The following PTPRR variants were observed in gnomAD, a reference collection of about 807,000 sequenced individuals.
PTPRR encodes protein tyrosine phosphatase receptor type R.
A neutral mutation model predicts 77.2 loss-of-function variants in PTPRR; 38 were observed. The observed-to-expected ratio is 0.49, with a 90% CI of 0.38 to 0.65. The LOEUF is 0.65. Among genes scored for constraint, PTPRR ranks in the 30% least tolerant of loss-of-function variants. The probability of loss-of-function intolerance (pLI) is 0.00; values close to 1 mark genes in which losing one functional copy is unlikely to be tolerated. For missense variants in PTPRR, 744 were observed against 799.2 expected, an observed-to-expected ratio of 0.93 and a Z score of 0.83; for synonymous variants, 299 against 283.1, an observed-to-expected ratio of 1.06 and a Z score of -0.57.
At chr12:70,719,602 G>T (rs1408920759) in intron 6 of PTPRR, among the ~76,000 whole-genome samples, 1 of 152,020 alleles carries the variant, frequency 6.6e-6, no homozygotes, top group Non-Finnish European at 1.5e-5. Context: ...TGAAAGAATT[G>T]CTTGCCTCTA....
At chr12:70,647,688 G>C (rs1479587330) in intron 13 of PTPRR, among the ~76,000 whole-genome samples, 1 of 152,188 alleles carries the variant, frequency 6.6e-6, no homozygotes, top group Non-Finnish European at 1.5e-5. Flanking sequence ...GTATTATATG[G>C]AAGGGCTTTC....
intron 6 of PTPRR, among the ~76,000 whole-genome samples, chr12:70,727,627 C>T (rs114112720): frequency 1.3e-5 from 2 of 152,218 alleles, no homozygotes; most frequent in Admixed American, 6.5e-5. Context: ...CCCTGGGAAA[C>T]TCTAAAGATG....
intron 2 of PTPRR, among the ~76,000 whole-genome samples, chr12:70,881,700 A>T (rs1185468723): frequency 1.3e-5 from 2 of 152,220 alleles, no homozygotes; most frequent in Admixed American, 6.5e-5. Context: ...TTATATTTTC[A>T]TCCTTCAAAA....
intron 10 of PTPRR, among the ~76,000 whole-genome samples, chr12:70,663,173 G>GT (rs573855664): frequency 3.9e-4 from 60 of 152,108 alleles, no homozygotes; most frequent in African/African-American, 1.4e-3. Flanking sequence ...CGGACCAACA[G>GT]TTTTTTTCAC....
At chr12:70,860,979 T>G (rs369198328) in intron 2 of PTPRR, among the ~76,000 whole-genome samples, 2 of 152,166 alleles carry the variant, frequency 1.3e-5, no homozygotes, top group South Asian at 2.1e-4. Context: ...GGAAATAGTA[T>G]GCATGCATTT....
intron 2 of PTPRR, among the ~76,000 whole-genome samples, chr12:70,785,869 A>G (rs1399495074): frequency 2.6e-5 from 4 of 152,212 alleles, no homozygotes; most frequent in Non-Finnish European, 5.9e-5. Flanking sequence ...TTCAATTCTC[A>G]TTATTATATG....
intron 2 of PTPRR, 44 bp from the exon 3 acceptor site, chr12:70,764,822 T>A (rs1329707026): frequency 1.4e-6 from 2 of 1,401,784 alleles, no homozygotes; most frequent in East Asian, 4.7e-5. Flanking sequence ...TAGTATTAAT[T>A]TGTATAGATG....
intron 10 of PTPRR, among the ~76,000 whole-genome samples, chr12:70,681,093 G>A (rs564726061): frequency 6.6e-6 from 1 of 152,308 alleles, no homozygotes; most frequent in Admixed American, 6.5e-5. Context: ...TCACTAGGAT[G>A]TGAAAGGTGG....
intron 6 of PTPRR, among the ~76,000 whole-genome samples, chr12:70,736,687 T>C (rs1889873455): frequency 2.6e-5 from 4 of 152,284 alleles, no homozygotes; most frequent in Admixed American, 2.6e-4. Flanking sequence ...TTTATTGATG[T>C]TATTTGGAGT....
intron 10 of PTPRR, among the ~76,000 whole-genome samples, chr12:70,665,571 G>A (rs145351997): frequency 0.017 from 2,631 of 150,916 alleles, 74 homozygotes; most frequent in African/African-American, 0.06. Context: ...TAGTAGAGAC[G>A]GGGTTTCACC....
At chr12:70,884,820 C>G (rs1287095712) in intron 2 of PTPRR, among the ~76,000 whole-genome samples, 3 of 138,160 alleles carry the variant, frequency 2.2e-5, no homozygotes, top group Non-Finnish European at 3.0e-5. Flanking sequence ...TGCAGTGAGC[C>G]GAGATCGTGC....
intron 1 of PTPRR, among the ~76,000 whole-genome samples, chr12:70,893,680 T>C (rs1893377561): frequency 6.6e-6 from 1 of 151,920 alleles, no homozygotes; most frequent in African/African-American, 2.4e-5. Context: ...CTTTCTACAT[T>C]TCCTCTTTTG....
chr12:70,690,684 A>G (rs1177635438), intron 8 of PTPRR, among the ~76,000 whole-genome samples: 1 of 152,190 alleles, frequency 6.6e-6, no homozygotes, highest in East Asian at 1.9e-4. Context: ...TAGTTAGCAT[A>G]TGTAGCGGTT....
chr12:70,742,513 C>T (rs555917976), intron 6 of PTPRR, among the ~76,000 whole-genome samples: 80 of 152,110 alleles, frequency 5.3e-4, no homozygotes, highest in African/African-American at 1.8e-3. Context: ...GGGTGTTTAG[C>T]AGGAAATAGG....
chr12:70,902,504 T>C (rs1893554153), intron 1 of PTPRR, among the ~76,000 whole-genome samples: 1 of 151,824 alleles, frequency 6.6e-6, no homozygotes, highest in Admixed American at 6.6e-5. Flanking sequence ...TATGTCTCTA[T>C]ATATGTATAG....
At chr12:70,892,397 C>T (rs1255380939) in intron 2 of PTPRR, among the ~76,000 whole-genome samples, 1 of 152,004 alleles carries the variant, frequency 6.6e-6, no homozygotes, top group Non-Finnish European at 1.5e-5. Context: ...AATTGTAAGG[C>T]CTTCCTAAAG....
Position 70,656,733 on chromosome 12 carries a change from T to A in PTPRR, c.1851A>T (p.Leu617=), listed in dbSNP as rs780557095. ...QLKEEGVVDA[L]SIVCQLRMDR... ...CCATACGAAGCTGGCAGACAATGCT[T>A]AGTGCATCCACAACTCCTTCTTCTT... The change falls in exon 13 of 14, where the codon CTA becomes CTT. Residue 617 remains leucine (L), a synonymous_variant. Transcript: ENST00000283228. 15 of 1,613,806 alleles carry A rather than the reference T, an allele frequency of 9.3e-6. No homozygotes were observed. The highest frequency in any genetic ancestry group is 1.3e-5 in the Non-Finnish European group (15 of 1,179,932).
chr12:70,680,142 A>G (rs1887601755), intron 10 of PTPRR, among the ~76,000 whole-genome samples: 4 of 152,204 alleles, frequency 2.6e-5, no homozygotes, highest in Admixed American at 2.0e-4. Flanking sequence ...TTGGTCACAT[A>G]CAAATATTCT....
chr12:70,731,404 C>T (rs1450316586), intron 6 of PTPRR, among the ~76,000 whole-genome samples: 1 of 152,270 alleles, frequency 6.6e-6, no homozygotes, highest in Admixed American at 6.5e-5. Flanking sequence ...GAGAAACTTG[C>T]AATCGCCTTG....
Sources: gnomAD v4.1 joint callset for allele counts (sites outside exome capture counted in the v4.1 genomes callset) on GRCh38, gnomAD v4.1.1 for gene constraint, MANE v1.5 for transcripts, NCBI Gene and HGNC (gene_info 2026-07-23, HGNC 2026-07-21) for gene names.